MPDZ: variants seen among roughly 807,000 people sequenced by gnomAD.
The protein encoded by MPDZ is multiple PDZ domain protein.
In MPDZ, 234 loss-of-function variants were observed where a neutral mutation model predicts 239.1. That is an observed-to-expected ratio of 0.98 (90% CI 0.88 to 1.09). The LOEUF (loss-of-function observed/expected upper bound fraction) is 1.09. Ranked by LOEUF, MPDZ falls within the 50% of genes least tolerant of loss-of-function variation. MPDZ has a pLI of 0.00. For missense variants in MPDZ, 3,175 were observed against 2,510.0 expected, an observed-to-expected ratio of 1.26 and a Z score of -5.66; for synonymous variants, 1,048 against 881.3, an observed-to-expected ratio of 1.19 and a Z score of -3.35.
At chr9:13,153,146 T>C (rs757064594) in intron 24 of MPDZ, among the ~76,000 whole-genome samples, 4 of 152,054 alleles carry the variant, frequency 2.6e-5, no homozygotes, top group African/African-American at 4.8e-5. Context: ...TGCAAAATGA[T>C]TGAGGTAAGA....
chr9:13,150,551 C>T lies in MPDZ; in HGVS notation c.3590G>A (p.Gly1197Asp), dbSNP rs1181907064. 6.3e-7 allele frequency: 1 copy of T among 1,575,736 alleles called. No individual in the cohort carries two copies. Among genetic ancestry groups the T allele is most frequent in the East Asian group, 2.3e-5 (1 of 42,902 alleles). ...IKHVLEDSPA[G>D]KNGTLKPGDR... ...TCCAGGTTTCAAGGTTCCATTTTTG[C>T]CAGCTGGACTATCTTCCAGAACATG... The change falls in exon 25 of 47, where the codon GGC (glycine) becomes GAC (aspartate). Residue 1197 changes from glycine (G) to aspartate (D), a missense_variant. Physicochemically the swap from Gly to Asp is moderately conservative, Grantham distance 94 (BLOSUM62 -1). Coordinates refer to ENST00000319217, the MANE Select transcript of MPDZ (RefSeq NM_001378778.1).
At position 13,205,025 on chromosome 9, in the gene MPDZ, T is replaced by A. The variant is rs1956834597; in HGVS notation, c.1546+11A>T. 2 of 1,430,948 alleles carry A rather than the reference T, an allele frequency of 1.4e-6. No homozygotes were observed. The highest frequency in any genetic ancestry group is 5.5e-5 in the East Asian group (2 of 36,368). The allele number at this position is 1,430,948 out of a possible 1,614,324, so 88.6% of individuals were successfully genotyped here. A position where few individuals can be genotyped will look rare whatever the true frequency, so the allele number is the denominator to read the frequency against. ...AATGAAGTACACAATAAGCTGGCGC[T>A]AGGTGTTTACCTTCTTCTTCAGTTG... On this transcript the variant is annotated intron_variant, in intron 12 of 46. Transcript: ENST00000319217.
intron 27 of MPDZ, 132 bp downstream of exon 27, chr9:13,143,334 A>G: frequency 1.5e-6 from 1 of 665,782 alleles, no homozygotes; most frequent in Non-Finnish European, 2.6e-6. Flanking sequence ...CACTCCAAAC[A>G]GCTTTGTTTT....
chr9:13,121,632 T>G, intron 38 of MPDZ, 107 bp downstream of exon 38: 2 of 1,170,178 alleles, frequency 1.7e-6, no homozygotes, highest in Admixed American at 1.9e-5. Flanking sequence ...AGCTACCTAC[T>G]GAACACTAGC....
At chr9:13,152,553 A>C (rs957927434) in intron 24 of MPDZ, among the ~76,000 whole-genome samples, 2 of 151,950 alleles carry the variant, frequency 1.3e-5, no homozygotes, top group African/African-American at 4.8e-5. Context: ...GAGGCCTCCC[A>C]AGTCACGTGG....
chr9:13,276,622 A>C (rs766635570), intron 1 of MPDZ: 6 of 152,180 alleles, frequency 3.9e-5, no homozygotes, highest in African/African-American at 7.2e-5. Context: ...TCTTCTCTTT[A>C]AAGTGTAGGA....
intron 1 of MPDZ, among the ~76,000 whole-genome samples, chr9:13,262,484 C>G (rs1365790186): frequency 2.0e-5 from 3 of 151,810 alleles, no homozygotes; most frequent in Non-Finnish European, 2.9e-5. Flanking sequence ...AAAGAGTTCT[C>G]TTCATAGGAG....
intron 1 of MPDZ, among the ~76,000 whole-genome samples, chr9:13,275,623 A>C (rs1973995976): frequency 6.6e-6 from 1 of 152,178 alleles, no homozygotes; most frequent in African/African-American, 2.4e-5. Flanking sequence ...ATGGCTACAA[A>C]CGTTTTAGGG....
chr9:13,192,760 G>A (rs1247773294), intron 14 of MPDZ, among the ~76,000 whole-genome samples: 1 of 152,116 alleles, frequency 6.6e-6, no homozygotes, highest in East Asian at 1.9e-4. Context: ...AGATTACAAA[G>A]AAGCAAATAT....
chr9:13,247,017 C>T (rs922009383), intron 3 of MPDZ, among the ~76,000 whole-genome samples: 8 of 152,140 alleles, frequency 5.3e-5, no homozygotes, highest in Non-Finnish European at 1.2e-4. Context: ...AATGCTAGGA[C>T]TTTTTAATGC....
intron 3 of MPDZ, among the ~76,000 whole-genome samples, chr9:13,239,128 AT>A (rs1252991221): frequency 1.3e-5 from 2 of 152,158 alleles, no homozygotes; most frequent in Non-Finnish European, 2.9e-5. Context: ...CTACTAATAA[AT>A]ATCATTACCA....
In MPDZ at chr9:13,150,693, A is replaced by G; in HGVS notation, c.3453-5T>C. 1.5e-6 allele frequency: 2 copies of G among 1,327,526 alleles called. No homozygotes were observed. The highest frequency in any genetic ancestry group is 1.9e-6 in the Non-Finnish European group (2 of 1,030,210). The allele number at this position is 1,327,526 out of a possible 1,614,324, so 82.2% of individuals were successfully genotyped here. A position where few individuals can be genotyped will look rare whatever the true frequency, so the allele number is the denominator to read the frequency against. On this transcript the variant is annotated splice_region_variant and splice_polypyrimidine_tract_variant and intron_variant, in intron 24 of 46. Coordinates refer to ENST00000319217, the MANE Select transcript of MPDZ (RefSeq NM_001378778.1). ...GGTTCTCTCCAGAGTTCCACCCTAA[A>G]AAATAAATAAAATTTTCAACTCTTA...
chr9:13,184,636 T>C (rs1026244833), intron 18 of MPDZ, among the ~76,000 whole-genome samples: 9 of 151,984 alleles, frequency 5.9e-5, no homozygotes, highest in East Asian at 3.9e-4. Context: ...CTTACAAATA[T>C]ACATAACATA....
chr9:13,207,767 C>A (rs1189376075), intron 10 of MPDZ, among the ~76,000 whole-genome samples: 1 of 152,094 alleles, frequency 6.6e-6, no homozygotes, highest in Non-Finnish European at 1.5e-5. Context: ...ATAGTAGTGT[C>A]ATCAAAACAT....
intron 23 of MPDZ, among the ~76,000 whole-genome samples, chr9:13,158,412 A>C (rs1385203932): frequency 6.6e-6 from 1 of 152,128 alleles, no homozygotes; most frequent in African/African-American, 2.4e-5. Context: ...AATAGGATAA[A>C]TACCAAGTTT....
At chr9:13,107,559 G>A (rs530639404) in intron 46 of MPDZ, among the ~76,000 whole-genome samples, 1 of 152,068 alleles carries the variant, frequency 6.6e-6, no homozygotes, top group African/African-American at 2.4e-5. Context: ...AAATCCAAAG[G>A]TCTGCAAAAG....
chr9:13,220,220 TAAATGTCCC>T (rs1417055376), intron 7 of MPDZ, among the ~76,000 whole-genome samples: 2 of 151,990 alleles, frequency 1.3e-5, no homozygotes, highest in Non-Finnish European at 2.9e-5. Flanking sequence ...ATTTCTATTA[TAAATGTCCC>T]AAAAGAACTC....
chr9:13,114,668 G>T (rs576225748), intron 40 of MPDZ, among the ~76,000 whole-genome samples: 2 of 152,156 alleles, frequency 1.3e-5, no homozygotes, highest in Non-Finnish European at 2.9e-5. Context: ...TTGGGAGGCT[G>T]AGGCGGGTGG....
intron 13 of MPDZ, among the ~76,000 whole-genome samples, chr9:13,194,517 A>G (rs1955381472): frequency 6.6e-6 from 1 of 152,022 alleles, no homozygotes; most frequent in African/African-American, 2.4e-5. Flanking sequence ...GGACACAGGG[A>G]GGGAAACATC....
Sources: gnomAD v4.1 joint callset for allele counts (sites outside exome capture counted in the v4.1 genomes callset) on GRCh38, gnomAD v4.1.1 for gene constraint, MANE v1.5 for transcripts, NCBI Gene and HGNC (gene_info 2026-07-23, HGNC 2026-07-21) for gene names.